Variants in SLC39A11 observed in about 807,000 individuals in gnomAD.
SLC39A11 encodes the protein solute carrier family 39 member 11.
Under a neutral mutation model 36.1 loss-of-function variants are expected in SLC39A11, and 33 were observed. The ratio of observed to expected loss-of-function variants is 0.91; its 90% CI spans 0.69 to 1.22. SLC39A11 has a LOEUF of 1.22. Ranked by LOEUF, SLC39A11 falls within the 50% of genes most tolerant of loss-of-function variation. SLC39A11 has a pLI of 0.00. For missense variants in SLC39A11, 432 were observed against 430.3 expected (o/e 1.00, Z -0.03); for synonymous variants, 166 against 170.3 (o/e 0.97, Z 0.20).
intron 4 of SLC39A11, among the ~76,000 whole-genome samples, chr17:72,967,370 C>CAGAGAGAGAGAGAGAG (rs72044418): frequency 0.1 from 11,140 of 109,390 alleles, 508 homozygotes; most frequent in Admixed American, 0.12. Context: ...TAAGCATGCT[C>CAGAGAGAGAGAGAGAG]AGAGAGAGAG....
intron 6 of SLC39A11, among the ~76,000 whole-genome samples, chr17:72,836,149 T>C (rs1425273067): frequency 6.6e-6 from 1 of 152,200 alleles, no homozygotes; most frequent in Non-Finnish European, 1.5e-5. Context: ...TACGCCAACG[T>C]GGTGCTGCAG....
At chr17:73,013,176 C>T (rs942174195) in intron 4 of SLC39A11, among the ~76,000 whole-genome samples, 6 of 152,126 alleles carry the variant, frequency 3.9e-5, no homozygotes, top group Non-Finnish European at 7.4e-5. Context: ...ACTGCAATTT[C>T]CACCTCCTGG....
At chr17:72,928,514 T>C (rs1354736242) in intron 5 of SLC39A11, among the ~76,000 whole-genome samples, 1 of 152,130 alleles carries the variant, frequency 6.6e-6, no homozygotes, top group African/African-American at 2.4e-5. Flanking sequence ...ACATGAGAAT[T>C]TGAATGGAAG....
chr17:72,661,380 C>T (rs529556916), intron 7 of SLC39A11, among the ~76,000 whole-genome samples: 92 of 152,154 alleles, frequency 6.0e-4, no homozygotes, highest in African/African-American at 2.0e-3. Flanking sequence ...AATTGGCAAG[C>T]GAAGGGACGG....
chr17:72,951,261 C>CAAAAAAAAAA (rs61453793), intron 4 of SLC39A11, among the ~76,000 whole-genome samples: 884 of 86,838 alleles, frequency 0.01, 14 homozygotes, highest in South Asian at 0.04. Context: ...GACCCTGTTG[C>CAAAAAAAAAA]AAAAAAAAAA....
chr17:72,668,708 G>T (rs1016675238), intron 7 of SLC39A11, among the ~76,000 whole-genome samples: 1 of 152,212 alleles, frequency 6.6e-6, no homozygotes, highest in African/African-American at 2.4e-5. Flanking sequence ...TGCAACAACT[G>T]CTTGGTCCCC....
Position 73,063,855 on chromosome 17 carries a change from C to T in SLC39A11, c.147+20953G>A, listed in dbSNP as rs76753393. ...AATTACAAAGTGTTCAGCAAATTCA[C>T]GTCTGTAATCTGTTTAAAGTTTATG... is the stretch of plus-strand genomic sequence containing the variant. On this transcript the variant is annotated intron_variant, in intron 3 of 9. Coordinates refer to ENST00000255559, the MANE Select transcript of SLC39A11 (RefSeq NM_139177.4). Among the ~76,000 whole-genome samples, 690 of 152,296 alleles carry T rather than the reference C, an allele frequency of 4.5e-3. 10 individuals carry two copies. The highest frequency in any genetic ancestry group is 0.016 in the African/African-American group (659 of 41,554).
In SLC39A11 at chr17:72,699,731, G is replaced by A. The variant is rs558364308; in HGVS notation, c.671+36919C>T. 1.3e-3 allele frequency among the ~76,000 whole-genome samples: 199 copies of A among 152,304 alleles called. 1 individual carries two copies. The highest frequency in any genetic ancestry group is 1.7e-3 in the Non-Finnish European group (116 of 68,026). On this transcript the variant is annotated intron_variant, in intron 7 of 9. Coordinates refer to ENST00000255559, the MANE Select transcript of SLC39A11 (RefSeq NM_139177.4). ...ACCCTGAGACAGAGCTGGCAAGGGCGGCCAGGGCTGTGGATTTGTCAGCCA... is the reference window on the plus strand; with the variant it reads ...ACCCTGAGACAGAGCTGGCAAGGGCAGCCAGGGCTGTGGATTTGTCAGCCA...
intron 5 of SLC39A11, among the ~76,000 whole-genome samples, chr17:72,933,286 A>G (rs1032058687): frequency 6.6e-6 from 1 of 152,216 alleles, no homozygotes; most frequent in Non-Finnish European, 1.5e-5. Flanking sequence ...ACTAGCAATG[A>G]GCAATTAGAA....
At chr17:72,831,531 C>A (rs1320476633) in intron 6 of SLC39A11, among the ~76,000 whole-genome samples, 1 of 152,204 alleles carries the variant, frequency 6.6e-6, no homozygotes, top group East Asian at 1.9e-4. Flanking sequence ...GTCATTCTTA[C>A]AATCACCTAC....
rs540023834 is a variant in SLC39A11 at position 72,751,847 on chromosome 17, G to A, written c.602-15128C>T. On this transcript the variant is annotated intron_variant, in intron 6 of 9. Transcript: ENST00000255559. ...CTGCCTTGGCTTCCCAGAGTGCTGG[G>A]ATTACAGGTATGAGCCACTGCACCC... Among the ~76,000 whole-genome samples the A allele has an allele frequency of 2.0e-5, 3 of 152,090 alleles. No homozygotes were observed. The South Asian group carries it at 6.2e-4, about 32-fold the overall frequency.
At chr17:72,846,044 T>C (rs1021674147) in intron 6 of SLC39A11, among the ~76,000 whole-genome samples, 16 of 138,430 alleles carry the variant, frequency 1.2e-4, no homozygotes, top group African/African-American at 3.8e-4. Flanking sequence ...TTTTTTTTTT[T>C]TTTGAGACAG....
chr17:72,877,751 G>C (rs933241554), intron 5 of SLC39A11, among the ~76,000 whole-genome samples: 1 of 152,020 alleles, frequency 6.6e-6, no homozygotes, highest in Non-Finnish European at 1.5e-5. Context: ...TTACTCTGGC[G>C]CCTCAGGTCC....
At chr17:72,768,460 C>T (rs1229449464) in intron 6 of SLC39A11, among the ~76,000 whole-genome samples, 2 of 152,326 alleles carry the variant, frequency 1.3e-5, no homozygotes, top group East Asian at 3.9e-4. Context: ...TTCAATGGCA[C>T]AGGGCACCAG....
At chr17:73,019,010 G>A (rs1263874340) in intron 4 of SLC39A11, among the ~76,000 whole-genome samples, 2 of 152,150 alleles carry the variant, frequency 1.3e-5, no homozygotes, top group African/African-American at 2.4e-5. Flanking sequence ...ACATAAGCCA[G>A]AGGACCTTAG....
At chr17:72,936,246 A>C (rs2084745218) in intron 5 of SLC39A11, among the ~76,000 whole-genome samples, 2 of 151,878 alleles carry the variant, frequency 1.3e-5, no homozygotes, top group African/African-American at 2.4e-5. Flanking sequence ...GGACTGTCAC[A>C]ATTTGTATTT....
intron 6 of SLC39A11, among the ~76,000 whole-genome samples, chr17:72,806,245 C>T (rs1332782502): frequency 1.3e-5 from 2 of 152,150 alleles, no homozygotes; most frequent in East Asian, 3.8e-4. Flanking sequence ...TCAACTGCTT[C>T]CTAAGGAAGG....
intron 3 of SLC39A11, among the ~76,000 whole-genome samples, chr17:73,062,902 G>C (rs1157459898): frequency 6.6e-6 from 1 of 152,164 alleles, no homozygotes; most frequent in Non-Finnish European, 1.5e-5. Flanking sequence ...CTGACAGGAG[G>C]AGTTCAGGAG....
intron 3 of SLC39A11, among the ~76,000 whole-genome samples, chr17:73,032,454 A>G (rs9909293): frequency 0.6 from 90,960 of 152,014 alleles, 29,238 homozygotes; most frequent in East Asian, 0.73. Flanking sequence ...TGACCCACCC[A>G]CCTCGGCCTC....
Sources: gnomAD v4.1 joint callset for allele counts (sites outside exome capture counted in the v4.1 genomes callset) on GRCh38, gnomAD v4.1.1 for gene constraint, MANE v1.5 for transcripts, NCBI Gene and HGNC (gene_info 2026-07-23, HGNC 2026-07-21) for gene names.